Variants in DOP1B observed in about 807,000 individuals in gnomAD.
The protein encoded by DOP1B is DOP1 leucine zipper like protein B.
Under a neutral mutation model 233.5 loss-of-function variants are expected in DOP1B, and 174 were observed. The observed-to-expected ratio is 0.75, with a 90% confidence interval of 0.66 to 0.85. The LOEUF (loss-of-function observed/expected upper bound fraction) is 0.85. DOP1B is among the 40% of genes least tolerant of loss of function. The pLI is 0.00. For synonymous variants in DOP1B, 1,190 were observed against 1,185.6 expected, an observed-to-expected ratio of 1.00 and a Z score of -0.08; for missense variants, 2,652 against 2,846.6, an observed-to-expected ratio of 0.93 and a Z score of 1.56.
intron 1 of DOP1B, among the ~76,000 whole-genome samples, chr21:36,162,340 A>G (rs2065876697): frequency 1.3e-5 from 2 of 152,140 alleles, no homozygotes; most frequent in African/African-American, 2.4e-5. Flanking sequence ...GACTATAGGC[A>G]TGTGCCACTA....
chr21:36,246,561 G>T lies in DOP1B; in HGVS notation c.4581G>T (p.Leu1527Phe). The change falls in exon 19 of 37, where the codon TTG becomes TTT. Residue 1527 changes from leucine (L) to phenylalanine (F), a missense_variant. Around this residue, in one of 3 missense-constraint regions of DOP1B, gnomAD observed 2,617 missense variants for 2,794.3 expected, o/e 0.94. Transcript: ENST00000691173. The surrounding 1 kb of genome is among the most constrained non-coding windows in gnomAD (Gnocchi z 5.1). Reference protein sequence around the residue: ...PAWVSLVTHSLPYFGKSLGWT... With the variant: ...PAWVSLVTHSFPYFGKSLGWT... ...GGGTGAGCTTGGTCACGCATTCCTT[G>T]CCCTACTTCGGAAAGTCCCTGGGCT... is the stretch of plus-strand genomic sequence containing the variant. The T allele has an allele frequency of 6.2e-7, 1 of 1,614,164 alleles. No homozygotes were observed. Among genetic ancestry groups the T allele is most frequent in the Non-Finnish European group, 8.5e-7 (1 of 1,180,040 alleles).
chr21:36,228,792 A>AT (rs1457066464), intron 13 of DOP1B, among the ~76,000 whole-genome samples: 1 of 122,516 alleles, frequency 8.2e-6, no homozygotes, highest in Non-Finnish European at 1.6e-5. Context: ...ATAAAATAAA[A>AT]TAAAATAAAA....
intron 23 of DOP1B, among the ~76,000 whole-genome samples, chr21:36,254,534 G>A (rs2067070160): frequency 6.6e-6 from 1 of 152,068 alleles, no homozygotes; most frequent in Non-Finnish European, 1.5e-5. Context: ...TCCAAATGAG[G>A]CTCCTACCCT....
At chr21:36,242,981 CTTT>C (rs35476479) in intron 18 of DOP1B, among the ~76,000 whole-genome samples, 9 of 127,164 alleles carry the variant, frequency 7.1e-5, no homozygotes, top group South Asian at 2.5e-4. Flanking sequence ...TTCTTCTTTT[CTTT>C]TTTTTTTTTT....
chr21:36,217,359 A>G (rs951615711), intron 9 of DOP1B, among the ~76,000 whole-genome samples: 2 of 152,128 alleles, frequency 1.3e-5, no homozygotes, highest in Admixed American at 6.6e-5. Flanking sequence ...ACATCCTTTT[A>G]TATCTGTCTG....
At chr21:36,204,843 C>T (rs577730265) in intron 4 of DOP1B, among the ~76,000 whole-genome samples, 7 of 151,776 alleles carry the variant, frequency 4.6e-5, no homozygotes, top group South Asian at 2.1e-4. Context: ...TTAGTAGAGA[C>T]GGAGTTTCAC....
intron 18 of DOP1B, among the ~76,000 whole-genome samples, chr21:36,244,581 C>A (rs1166756271): frequency 6.6e-6 from 1 of 152,022 alleles, no homozygotes; most frequent in East Asian, 1.9e-4. Flanking sequence ...CCTGCCACCA[C>A]GCCCAGCTAA....
intron 2 of DOP1B, among the ~76,000 whole-genome samples, chr21:36,194,686 C>G (rs1245868239): frequency 1.3e-5 from 2 of 151,978 alleles, no homozygotes; most frequent in Non-Finnish European, 2.9e-5. Context: ...AGGGTTTCAT[C>G]ATGTTGGCCA....
At chr21:36,230,128 G>A (rs750934613) in intron 13 of DOP1B, among the ~76,000 whole-genome samples, 30 of 152,074 alleles carry the variant, frequency 2.0e-4, no homozygotes, top group Non-Finnish European at 4.3e-4. Flanking sequence ...GAGCCACCAC[G>A]CCTGGCAGAA....
At chr21:36,235,866 G>GA (rs1555893487) in intron 15 of DOP1B, among the ~76,000 whole-genome samples, 1 of 147,808 alleles carries the variant, frequency 6.8e-6, no homozygotes, top group Non-Finnish European at 1.5e-5. Context: ...AGGAAGTCGG[G>GA]GGGGGGGCGG....
intron 27 of DOP1B, among the ~76,000 whole-genome samples, chr21:36,272,724 C>T (rs1235137326): frequency 6.6e-6 from 1 of 151,362 alleles, no homozygotes; most frequent in African/African-American, 2.4e-5. Context: ...GTGGCTCACG[C>T]CTGTAATCCC....
intron 6 of DOP1B, 52 bp from the exon 7 acceptor site, chr21:36,211,922 A>C (rs1380799995): frequency 6.2e-7 from 1 of 1,612,716 alleles, no homozygotes; most frequent in African/African-American, 1.3e-5. Context: ...TCAAAAAGTC[A>C]GCAATCTGCC....
chr21:36,166,585 T>C (rs2835290), intron 2 of DOP1B, among the ~76,000 whole-genome samples: 119,829 of 152,126 alleles, frequency 0.79, 47,749 homozygotes, highest in Non-Finnish European at 0.86. Context: ...GACTTTCAAG[T>C]GCTCAGATGA....
Position 36,182,758 on chromosome 21 carries a change from G to C in DOP1B, c.139-16312G>C, listed in dbSNP as rs146447234. Among the ~76,000 whole-genome samples the C allele has an allele frequency of 1.9e-3, 288 of 152,304 alleles. 1 individual carries two copies. The highest frequency in any genetic ancestry group is 0.017 in the Middle Eastern group (5 of 294). ...GCAGGAGAATTGCTTGAGCCCACAAGGTTGAGGCCACAGTGAGCCATGTTT... is the reference window on the plus strand; with the variant it reads ...GCAGGAGAATTGCTTGAGCCCACAACGTTGAGGCCACAGTGAGCCATGTTT... On this transcript the variant is annotated intron_variant, in intron 2 of 36. Transcript: ENST00000691173.
chr21:36,202,484 G>A (rs1734571029), intron 4 of DOP1B, among the ~76,000 whole-genome samples: 1 of 152,180 alleles, frequency 6.6e-6, no homozygotes, highest in Non-Finnish European at 1.5e-5. Flanking sequence ...GAGGGGTGCA[G>A]GAGGCTGGAG....
chr21:36,271,707 T>C (rs2067291609), intron 27 of DOP1B, among the ~76,000 whole-genome samples: 1 of 152,090 alleles, frequency 6.6e-6, no homozygotes, highest in Admixed American at 6.5e-5. Context: ...CTGCTGACCT[T>C]CACTGAGCCT....
intron 2 of DOP1B, among the ~76,000 whole-genome samples, chr21:36,178,980 C>G (rs535963187): frequency 6.6e-6 from 1 of 152,332 alleles, no homozygotes; most frequent in Non-Finnish European, 1.5e-5. Context: ...CCCTTGTCCC[C>G]AGACAACCAC....
intron 4 of DOP1B, among the ~76,000 whole-genome samples, chr21:36,201,973 T>C (rs2066372885): frequency 6.6e-6 from 1 of 151,840 alleles, no homozygotes; most frequent in East Asian, 2.0e-4. Context: ...TCACTTGAGG[T>C]CAGGAGTTCA....
At chr21:36,169,507 G>C (rs1329927069) in intron 2 of DOP1B, 2 of 1,120,200 alleles carry the variant, frequency 1.8e-6, no homozygotes, top group Non-Finnish European at 2.7e-6. Flanking sequence ...TGTAGCCTTT[G>C]CCCTTGGTCA....
Sources: gnomAD v4.1 joint callset for allele counts (sites outside exome capture counted in the v4.1 genomes callset) on GRCh38, gnomAD v4.1.1 for gene constraint, gnomAD v4.1.1 regional missense constraint, Gnocchi (gnomAD v3.1) non-coding constraint, MANE v1.5 for transcripts, NCBI Gene and HGNC (gene_info 2026-07-23, HGNC 2026-07-21) for gene names.